COL4A3: variants seen among roughly 807,000 people sequenced by gnomAD.
The protein encoded by COL4A3 is collagen alpha-3(IV) chain.
In COL4A3, 135 loss-of-function variants were observed where a neutral mutation model predicts 217.4. That is an observed-to-expected ratio of 0.62 (90% CI 0.54 to 0.72). The LOEUF is 0.72. Among genes scored for constraint, COL4A3 ranks in the 30% least tolerant of loss-of-function variants. COL4A3 has a pLI of 0.00. For missense variants in COL4A3, 1,868 were observed against 2,119.9 expected (o/e 0.88, Z 2.33); for synonymous variants, 690 against 736.3 (o/e 0.94, Z 1.02).
rs59489597 is a variant in COL4A3 at position 227,250,338 on chromosome 2, TGATAGATA to T, written c.547-761_547-754del. On this transcript the variant is annotated intron_variant, in intron 9 of 51. Coordinates refer to ENST00000396578, the MANE Select transcript of COL4A3 (RefSeq NM_000091.5). This position sits in a 1 kb window ranked among gnomAD's most constrained non-coding sequence, Gnocchi z 4.1. ...AAAAAATAGGTAGATAGATAAAAGA[TGATAGATA>T]GATAGATAGATAGATAGATAGATAG... Among the ~76,000 whole-genome samples, 36,796 of 146,476 alleles carry T rather than the reference TGATAGATA, an allele frequency of 0.25. 5,116 individuals carry two copies. Among genetic ancestry groups the T allele is most frequent in the South Asian group, 0.34 (1,506 of 4,452 alleles).
At chr2:227,297,208 C>G (rs1225283973) in intron 41 of COL4A3, among the ~76,000 whole-genome samples, 1 of 152,210 alleles carries the variant, frequency 6.6e-6, no homozygotes, top group African/African-American at 2.4e-5. Flanking sequence ...CACATCAGTG[C>G]TACGCAGTTT....
chr2:227,169,785 T>C lies in COL4A3; in HGVS notation c.87+4972T>C, dbSNP rs139154262. 4.7e-3 allele frequency among the ~76,000 whole-genome samples: 709 copies of C among 152,300 alleles called. 17 individuals are homozygous for C. The highest frequency in any genetic ancestry group is 9.8e-4 in the Non-Finnish European group (67 of 68,028). On this transcript the variant is annotated intron_variant, in intron 1 of 51. Transcript: ENST00000396578. ...TGTTTGAGTTCATTGTAGATTCTAA[T>C]GTTTTGCAGTGTTATAGCTGCAAAC...
intron 25 of COL4A3, among the ~76,000 whole-genome samples, 173 bp from the exon 26 acceptor site, chr2:227,272,776 C>T (rs756088983): frequency 2.0e-5 from 3 of 152,162 alleles, no homozygotes; most frequent in Admixed American, 6.5e-5. Flanking sequence ...GGACACAAAA[C>T]GGAAGAAACC....
At chr2:227,264,789 G>C (rs544518029) in intron 21 of COL4A3, 1 of 152,316 alleles carries the variant, frequency 6.6e-6, no homozygotes, top group Non-Finnish European at 1.5e-5. Context: ...GAGTTCACAG[G>C]GCTAATGAAG....
chr2:227,200,471 A>C (rs144736200), intron 1 of COL4A3, among the ~76,000 whole-genome samples: 24 of 152,298 alleles, frequency 1.6e-4, no homozygotes, highest in African/African-American at 5.5e-4. Flanking sequence ...CATTGTCCCA[A>C]GTACAGCCAT....
intron 1 of COL4A3, among the ~76,000 whole-genome samples, chr2:227,202,735 TAAAAA>T (rs370401800): frequency 2.2e-4 from 10 of 44,634 alleles, no homozygotes; most frequent in South Asian, 9.0e-4. Context: ...AATCCGTCTC[TAAAAA>T]AAAAAAATAT....
At chr2:227,237,014 T>G (rs937931347) in intron 1 of COL4A3, among the ~76,000 whole-genome samples, 21 of 152,200 alleles carry the variant, frequency 1.4e-4, no homozygotes, top group African/African-American at 5.1e-4. Context: ...GTTCCTCTGC[T>G]GGCAGAGAAA....
intron 1 of COL4A3, among the ~76,000 whole-genome samples, chr2:227,172,581 CT>C (rs11315628): frequency 0.35 from 25,819 of 73,360 alleles, 2,898 homozygotes; most frequent in African/African-American, 0.44. Flanking sequence ...TCGTCTTCTT[CT>C]TTTTTTTTTT....
chr2:227,254,199 C>T, intron 14 of COL4A3, 25 bp downstream of exon 14: 1 of 1,593,078 alleles, frequency 6.3e-7, no homozygotes, highest in South Asian at 1.1e-5. Context: ...GTTATATTGT[C>T]CCCATAACAC....
chr2:227,211,649 T>TTTTATTTATTTA (rs71036166), intron 1 of COL4A3, among the ~76,000 whole-genome samples: 45 of 150,086 alleles, frequency 3.0e-4, no homozygotes, highest in African/African-American at 6.7e-4. Flanking sequence ...TCAGACTTGA[T>TTTTATTTATTTA]TTTATTTATT....
rs1435651752 is a variant in COL4A3 at position 227,294,506 on chromosome 2, T to C, written c.3354T>C (p.His1118=). 1 of 1,612,384 alleles carries C rather than the reference T, an allele frequency of 6.2e-7. No homozygotes were observed. Among genetic ancestry groups the C allele is most frequent in the Admixed American group, 1.7e-5 (1 of 60,000 alleles). Residue 1118 remains histidine (H), a synonymous_variant, in exon 39 of 52, where the codon CAT becomes CAC. Coordinates refer to ENST00000396578, the MANE Select transcript of COL4A3 (RefSeq NM_000091.5). ...SPGLPGKPGP[H]GDLGFKGIKG... ...CATTTCCAGGAAAGCCAGGTCCTCA[T>C]GGTGATTTGGGTTTTAAAGGAATCA...
chr2:227,176,973 A>C (rs2065695007), intron 1 of COL4A3, among the ~76,000 whole-genome samples: 1 of 152,200 alleles, frequency 6.6e-6, no homozygotes, highest in African/African-American at 2.4e-5. Context: ...ATTTGGAAAA[A>C]GTCTACAAGT....
intron 1 of COL4A3, among the ~76,000 whole-genome samples, chr2:227,204,668 A>C (rs2067032083): frequency 6.6e-6 from 1 of 152,168 alleles, no homozygotes; most frequent in South Asian, 2.1e-4. Flanking sequence ...CACAAGTACC[A>C]AGTAGCCAGG....
chr2:227,270,326 T>G (rs1450399434), intron 24 of COL4A3, among the ~76,000 whole-genome samples: 1 of 152,160 alleles, frequency 6.6e-6, no homozygotes, highest in Non-Finnish European at 1.5e-5. Context: ...TTACTAAAAA[T>G]CATTGAATTG....
rs774119052 is a variant in COL4A3, at chr2:227,246,677, T to C, written c.388-8T>C. On this transcript the variant is annotated splice_polypyrimidine_tract_variant and splice_region_variant and intron_variant, in intron 6 of 51. Coordinates refer to ENST00000396578, the MANE Select transcript of COL4A3 (RefSeq NM_000091.5). Reference sequence around the variant, plus strand: ...TAAGAATAATAAGAAACTTTGTATGTCTTTTAGGGTGAGCAGGGGTTTCCA... The same window carrying C: ...TAAGAATAATAAGAAACTTTGTATGCCTTTTAGGGTGAGCAGGGGTTTCCA... The C allele has an allele frequency of 6.2e-7, 1 of 1,608,588 alleles. No individual in the cohort carries two copies. The highest frequency in any genetic ancestry group is 1.7e-5 in the Admixed American group (1 of 59,960).
In COL4A3 at chr2:227,206,857, C is replaced by T. The variant is rs548794992; in HGVS notation, c.88-31111C>T. 5.9e-5 allele frequency among the ~76,000 whole-genome samples: 9 copies of T among 152,298 alleles called. No individual in the cohort carries two copies. The East Asian group carries it at 1.5e-3, about 26-fold the overall frequency. ...CATAAGGAAGTATTCTTTATCATCACCCCATTTTCTAGATGAAGAAATTGA... is the reference window on the plus strand; with the variant it reads ...CATAAGGAAGTATTCTTTATCATCATCCCATTTTCTAGATGAAGAAATTGA... On this transcript the variant is annotated intron_variant, in intron 1 of 51. Transcript: ENST00000396578.
At chr2:227,295,416 A>G in intron 41 of COL4A3, 100 bp downstream of exon 41, 1 of 1,011,768 alleles carries the variant, frequency 9.9e-7, no homozygotes, top group Non-Finnish European at 1.6e-6. Context: ...TAGTGAATTA[A>G]AGATGTTCCA....
In COL4A3 at chr2:227,176,404, C is replaced by A. The variant is rs556384046; in HGVS notation, c.87+11591C>A. Reference sequence around the variant, plus strand: ...GTATATTTAAATAATATTTTATATTCTCAGCATTTTGGTATTAATTATTGC... The same window carrying A: ...GTATATTTAAATAATATTTTATATTATCAGCATTTTGGTATTAATTATTGC... On this transcript the variant is annotated intron_variant, in intron 1 of 51. Transcript: ENST00000396578. Among the ~76,000 whole-genome samples the A allele has an allele frequency of 3.3e-5, 5 of 152,094 alleles. No homozygotes were observed. The East Asian group carries it at 9.7e-4, about 29-fold the overall frequency.
In COL4A3 at chr2:227,289,981, T is replaced by A; in HGVS notation, c.2981-18T>A. 1 of 1,611,236 alleles carries A rather than the reference T, an allele frequency of 6.2e-7. No individual in the cohort carries two copies. Among genetic ancestry groups the A allele is most frequent in the East Asian group, 2.2e-5 (1 of 44,872 alleles). ...TCCAGGAACTGTGCAGGGCAATAAC[T>A]ACTTATTTGTTCTCAAGGCCCCAGA... On this transcript the variant is annotated intron_variant, in intron 35 of 51. Coordinates refer to ENST00000396578, the MANE Select transcript of COL4A3 (RefSeq NM_000091.5).
Sources: gnomAD v4.1 joint callset for allele counts (sites outside exome capture counted in the v4.1 genomes callset) on GRCh38, gnomAD v4.1.1 for gene constraint, Gnocchi (gnomAD v3.1) non-coding constraint, MANE v1.5 for transcripts, NCBI Gene and HGNC (gene_info 2026-07-23, HGNC 2026-07-21) for gene names.